Variants in MEGF10 observed in about 807,000 individuals in gnomAD.
MEGF10 encodes multiple epidermal growth factor-like domains protein 10.
In MEGF10, 86 loss-of-function variants were observed where a neutral mutation model predicts 147.5. The observed-to-expected ratio is 0.58, with a 90% confidence interval of 0.49 to 0.70. MEGF10 has a LOEUF of 0.70. Among genes scored for constraint, MEGF10 ranks in the 30% least tolerant of loss-of-function variants. MEGF10 has a pLI of 0.00. For synonymous variants in MEGF10, 478 were observed against 525.5 expected (o/e 0.91, Z 1.24); for missense variants, 1,329 against 1,487.3 (o/e 0.89, Z 1.75).
chr5:127,391,085 C>T (rs560509218), intron 5 of MEGF10, among the ~76,000 whole-genome samples: 1,686 of 47,842 alleles, frequency 0.035, 49 homozygotes, highest in African/African-American at 0.075. Flanking sequence ...TACATACACA[C>T]ATGCGCGCGC....
intron 1 of MEGF10, among the ~76,000 whole-genome samples, chr5:127,310,963 G>A (rs747478571): frequency 2.0e-5 from 3 of 152,100 alleles, no homozygotes; most frequent in Non-Finnish European, 4.4e-5. Flanking sequence ...AAGTGAGCAG[G>A]CCCCTAGCTG....
intron 5 of MEGF10, among the ~76,000 whole-genome samples, chr5:127,371,263 G>A (rs968988453): frequency 5.4e-5 from 8 of 148,336 alleles, no homozygotes; most frequent in Non-Finnish European, 1.2e-4. Context: ...GCCCCTGACA[G>A]GCTTCTCAAT....
At chr5:127,247,597 A>T in the MEGF10 span, among the ~76,000 whole-genome samples, 1 of 152,068 alleles carries the variant, frequency 6.6e-6, no homozygotes, top group African/African-American at 2.4e-5. Flanking sequence ...TGTTGGATTT[A>T]CCCTCACACT....
chr5:127,229,410 GC>G, the MEGF10 span: 1 of 151,654 alleles, frequency 6.6e-6, no homozygotes, highest in African/African-American at 2.4e-5. Context: ...CGCACCGCCA[GC>G]CTCGTCCTCG....
the MEGF10 span, among the ~76,000 whole-genome samples, chr5:127,279,858 T>G: frequency 1.3e-5 from 2 of 152,288 alleles, no homozygotes; most frequent in Non-Finnish European, 2.9e-5. Context: ...GATGGTGTTA[T>G]AGACAAATCA....
In MEGF10 at chr5:127,443,135, A is replaced by T. The variant is rs765632991; in HGVS notation, c.2491+9A>T. The T allele has an allele frequency of 5.0e-6, 8 of 1,610,726 alleles. No individual in the cohort carries two copies. Among genetic ancestry groups the T allele is most frequent in the Non-Finnish European group, 6.8e-6 (8 of 1,178,172 alleles). On this transcript the variant is annotated intron_variant, in intron 19 of 24. Coordinates refer to ENST00000503335, the MANE Select transcript of MEGF10 (RefSeq NM_001256545.2). ...AGCGAGATGTGATCAAGGTAAATATACTAGCTAATGTTTGTAGCACTGCAG... is the reference window on the plus strand; with the variant it reads ...AGCGAGATGTGATCAAGGTAAATATTCTAGCTAATGTTTGTAGCACTGCAG...
At chr5:127,278,025 A>T in the MEGF10 span, among the ~76,000 whole-genome samples, 5 of 152,132 alleles carry the variant, frequency 3.3e-5, 1 homozygote, top group Non-Finnish European at 7.4e-5. Flanking sequence ...TATATTTAGG[A>T]GTGGTCAGTA....
At chr5:127,296,957 TTTTTG>T (rs1330475766) in intron 1 of MEGF10, among the ~76,000 whole-genome samples, 4 of 152,166 alleles carry the variant, frequency 2.6e-5, no homozygotes, top group African/African-American at 4.8e-5. Context: ...CCACCAGTTT[TTTTTG>T]TTTTGTTTTG....
At chr5:127,360,585 T>C (rs1762435945) in intron 4 of MEGF10, among the ~76,000 whole-genome samples, 1 of 151,968 alleles carries the variant, frequency 6.6e-6, no homozygotes, top group African/African-American at 2.4e-5. Flanking sequence ...ATTTCATTCT[T>C]TTACCATTGA....
rs1358759810 is a variant in MEGF10 at position 127,435,378 on chromosome 5, T to C, written c.1993T>C (p.Phe665Leu). ...ATTCACAGTGTGTCCCAGTGGCAGA[T>C]TTGGGAAAAACTGTGCAGGAATTTG... ...LCNEVCPSGR[F>L]GKNCAGICTC... Residue 665 changes from phenylalanine (F) to leucine (L), a missense_variant, in exon 16 of 25, where the codon TTT becomes CTT. Phe to Leu is a conservative substitution (Grantham distance 22). Around this residue, in one of 3 missense-constraint regions of MEGF10, gnomAD observed 980 missense variants for 1,085.9 expected, o/e 0.90. Transcript: ENST00000503335. 9.3e-6 allele frequency: 15 copies of C among 1,613,944 alleles called. No individual in the cohort carries two copies. Among genetic ancestry groups the C allele is most frequent in the African/African-American group, 1.3e-5 (1 of 74,912 alleles).
intron 1 of MEGF10, among the ~76,000 whole-genome samples, chr5:127,330,432 C>T (rs1428721877): frequency 6.6e-6 from 1 of 152,154 alleles, no homozygotes; most frequent in Admixed American, 6.6e-5. Context: ...TTAACTTGAA[C>T]TCCCTAAATG....
chr5:127,292,253 C>T lies in MEGF10; in HGVS notation c.-19+1197C>T, dbSNP rs558704738. ...TTCAGCTCACAACTCTGCCACTTTT[C>T]AGTTCTGTGATTTTGGGGTAAGTTA... On this transcript the variant is annotated intron_variant, in intron 1 of 24. Coordinates refer to ENST00000503335, the MANE Select transcript of MEGF10 (RefSeq NM_001256545.2). Among the ~76,000 whole-genome samples, 313 of 152,244 alleles carry T rather than the reference C, an allele frequency of 2.1e-3. 1 individual carries two copies. Among genetic ancestry groups the T allele is most frequent in the African/African-American group, 7.1e-3 (293 of 41,548 alleles).
chr5:127,334,025 G>T (rs1761372563), intron 2 of MEGF10, among the ~76,000 whole-genome samples: 2 of 152,156 alleles, frequency 1.3e-5, no homozygotes, highest in Non-Finnish European at 2.9e-5. Flanking sequence ...ATTTTCTGTT[G>T]TAAGGCTAGA....
At chr5:127,234,298 C>G in the MEGF10 span, among the ~76,000 whole-genome samples, 1 of 152,232 alleles carries the variant, frequency 6.6e-6, no homozygotes, top group African/African-American at 2.4e-5. Context: ...TTGACTTTCA[C>G]TTGTATTTCA....
intron 5 of MEGF10, among the ~76,000 whole-genome samples, chr5:127,391,020 T>C (rs1479895723): frequency 6.6e-6 from 1 of 151,932 alleles, no homozygotes; most frequent in Non-Finnish European, 1.5e-5. Flanking sequence ...GTATTATTAA[T>C]GAGTTAGCTA....
chr5:127,269,143 CAG>C, the MEGF10 span, among the ~76,000 whole-genome samples: 2 of 152,218 alleles, frequency 1.3e-5, no homozygotes, highest in Admixed American at 6.5e-5. Context: ...GGGGAAAAAA[CAG>C]AGCAGAAATG....
chr5:127,266,346 A>C, the MEGF10 span, among the ~76,000 whole-genome samples: 1 of 152,066 alleles, frequency 6.6e-6, no homozygotes, highest in Admixed American at 6.6e-5. Context: ...GTTTGAAGTC[A>C]GGTAGCATGA....
At chr5:127,333,518 AT>A (rs67650237) in intron 2 of MEGF10, among the ~76,000 whole-genome samples, 15,442 of 59,530 alleles carry the variant, frequency 0.26, 905 homozygotes, top group Middle Eastern at 0.44. Flanking sequence ...CTCAAAAAAA[AT>A]AAAAATAAAA....
At chr5:127,258,300 G>A in the MEGF10 span, among the ~76,000 whole-genome samples, 2 of 152,106 alleles carry the variant, frequency 1.3e-5, no homozygotes, top group African/African-American at 2.4e-5. Flanking sequence ...GAATACAAAT[G>A]AGGATGAAGA....
Sources: allele counts gnomAD v4.1 joint callset (sites outside exome capture counted in the v4.1 genomes callset), GRCh38; gene constraint gnomAD v4.1.1; regional missense constraint gnomAD v4.1.1; transcripts MANE v1.5; gene names NCBI Gene and HGNC (gene_info 2026-07-23, HGNC 2026-07-21).